The following COL24A1 variants were observed in gnomAD, a reference collection of about 807,000 sequenced individuals.
The protein encoded by COL24A1 is collagen type XXIV alpha 1 chain.
A neutral mutation model predicts 253.9 loss-of-function variants in COL24A1; 224 were observed. That is an observed-to-expected ratio of 0.88 (90% CI 0.79 to 0.99). The LOEUF (loss-of-function observed/expected upper bound fraction) is 0.99. Among genes scored for constraint, COL24A1 ranks in the 50% least tolerant of loss-of-function variants. The pLI is 0.00. For synonymous variants in COL24A1, 685 were observed against 673.7 expected, an observed-to-expected ratio of 1.02 and a Z score of -0.26; for missense variants, 2,131 against 2,068.5, an observed-to-expected ratio of 1.03 and a Z score of -0.59.
intron 31 of COL24A1, among the ~76,000 whole-genome samples, chr1:85,890,214 C>G (rs973899585): frequency 6.6e-6 from 1 of 152,080 alleles, no homozygotes; most frequent in Non-Finnish European, 1.5e-5. Flanking sequence ...CATGGGTATG[C>G]GAGTATCTGT....
intron 24 of COL24A1, among the ~76,000 whole-genome samples, chr1:85,953,856 A>C (rs1337956766): frequency 6.6e-6 from 1 of 152,190 alleles, no homozygotes; most frequent in East Asian, 1.9e-4. Flanking sequence ...ATCCTTAAAA[A>C]TCAGAGGTTA....
At chr1:85,775,809 T>C in intron 52 of COL24A1, 100 bp from the exon 53 acceptor site, 1 of 1,048,256 alleles carries the variant, frequency 9.5e-7, no homozygotes, top group Non-Finnish European at 1.4e-6. Context: ...TTTATATTTT[T>C]GCTTTTTCTA....
chr1:86,036,014 T>C (rs1255423872), intron 12 of COL24A1, among the ~76,000 whole-genome samples: 3 of 152,126 alleles, frequency 2.0e-5, no homozygotes, highest in Admixed American at 1.3e-4. Flanking sequence ...AGCAGAAAAA[T>C]AATGCAATAT....
intron 53 of COL24A1, among the ~76,000 whole-genome samples, chr1:85,763,910 A>G (rs868673396): frequency 6.6e-6 from 1 of 152,184 alleles, no homozygotes; most frequent in African/African-American, 2.4e-5. Context: ...TTTATCCCAG[A>G]ATTTACATAC....
At chr1:85,865,806 T>C (rs1012854910) in intron 37 of COL24A1, among the ~76,000 whole-genome samples, 1 of 152,164 alleles carries the variant, frequency 6.6e-6, no homozygotes, top group Admixed American at 6.5e-5. Context: ...AATCACACTT[T>C]CTTGGCATTT....
chr1:86,007,163 C>T (rs983923801), intron 19 of COL24A1, among the ~76,000 whole-genome samples: 6 of 152,172 alleles, frequency 3.9e-5, no homozygotes, highest in African/African-American at 1.2e-4. Flanking sequence ...GACAGTGAGC[C>T]ATGGTCACTC....
At chr1:86,106,832 CAT>C (rs1437269351) in intron 5 of COL24A1, among the ~76,000 whole-genome samples, 2 of 152,150 alleles carry the variant, frequency 1.3e-5, no homozygotes, top group Non-Finnish European at 2.9e-5. Context: ...TAATGATCCC[CAT>C]AGTCTTTCTC....
At chr1:85,961,154 C>T (rs74969241) in intron 24 of COL24A1, 95 bp downstream of exon 24, 15,879 of 900,834 alleles carry the variant, frequency 0.018, 189 homozygotes, top group Non-Finnish European at 0.022. Flanking sequence ...ATTCTGATTC[C>T]GAGTAACTTG....
At chr1:85,804,980 A>G (rs1038672170) in intron 47 of COL24A1, among the ~76,000 whole-genome samples, 1 of 151,944 alleles carries the variant, frequency 6.6e-6, no homozygotes, top group Non-Finnish European at 1.5e-5. Context: ...TTGAGTAGCT[A>G]TAGGCACATG....
intron 43 of COL24A1, among the ~76,000 whole-genome samples, chr1:85,824,639 T>C (rs528936308): frequency 1.3e-5 from 2 of 152,250 alleles, no homozygotes; most frequent in East Asian, 1.9e-4. Context: ...GTCACCTTAG[T>C]TCTCCTAAGA....
rs1387801760 is a variant in COL24A1 at position 85,945,017 on chromosome 1, T to TG, written c.2562+16231_2562+16232insC. ...CTATCATTGTGTTTTTTTTTTTTTT[T>TG]TTTTTTTTTTTTTTTTTTGAGACAG... On this transcript the variant is annotated intron_variant, in intron 24 of 59. Coordinates refer to ENST00000370571, the MANE Select transcript of COL24A1 (RefSeq NM_152890.7). 6.5e-3 allele frequency among the ~76,000 whole-genome samples: 599 copies of TG among 92,718 alleles called. 8 individuals carry two copies. The highest frequency in any genetic ancestry group is 0.01 in the Non-Finnish European group (467 of 46,324). 60.8% of individuals were successfully genotyped at this position (92,718 alleles called of 152,430 possible). A position where few individuals can be genotyped will look rare whatever the true frequency, so the allele number is the denominator to read the frequency against.
chr1:85,973,941 T>TC (rs1277129721), intron 20 of COL24A1, among the ~76,000 whole-genome samples: 1 of 152,188 alleles, frequency 6.6e-6, no homozygotes, highest in East Asian at 1.9e-4. Flanking sequence ...CTGATGTAAT[T>TC]ACATTATTAT....
At chr1:85,964,854 T>A (rs1219389103) in intron 23 of COL24A1, among the ~76,000 whole-genome samples, 155 bp downstream of exon 23, 2 of 152,174 alleles carry the variant, frequency 1.3e-5, no homozygotes, top group Non-Finnish European at 2.9e-5. Context: ...GATACAGATA[T>A]AAAGATATAG....
chr1:85,907,675 T>A (rs1684971152), intron 27 of COL24A1, among the ~76,000 whole-genome samples: 1 of 151,836 alleles, frequency 6.6e-6, no homozygotes, highest in Non-Finnish European at 1.5e-5. Flanking sequence ...TAAAAATAGT[T>A]TTTTTGTTAT....
chr1:85,925,721 T>G (rs1336769694), intron 24 of COL24A1, among the ~76,000 whole-genome samples: 3 of 152,126 alleles, frequency 2.0e-5, no homozygotes, highest in Non-Finnish European at 4.4e-5. Context: ...ATAAAAACCC[T>G]AGAAGAAAAC....
At chr1:85,786,496 A>C (rs372824344) in intron 47 of COL24A1, 35 bp from the exon 48 acceptor site, 23 of 1,588,630 alleles carry the variant, frequency 1.4e-5, no homozygotes, top group Non-Finnish European at 1.8e-5. Context: ...AAACTGGGAA[A>C]GTTTCTAAAA....
At chr1:86,067,532 G>A (rs75423695) in intron 7 of COL24A1, among the ~76,000 whole-genome samples, 1 of 152,244 alleles carries the variant, frequency 6.6e-6, no homozygotes, top group Non-Finnish European at 1.5e-5. Flanking sequence ...AGACTTGGAT[G>A]AATTTAAGAA....
intron 14 of COL24A1, 132 bp downstream of exon 14, chr1:86,031,745 CA>C (rs1420608699): frequency 3.4e-6 from 2 of 582,824 alleles, no homozygotes; most frequent in African/African-American, 3.9e-5. Context: ...GAAAAAAATA[CA>C]TTTAATCAAG....
In COL24A1 at chr1:86,156,660, C is replaced by G. The variant is rs1192817960; in HGVS notation, c.-264G>C. 6 of 326,934 alleles carry G rather than the reference C, an allele frequency of 1.8e-5. No individual in the cohort carries two copies. The highest frequency in any genetic ancestry group is 5.0e-5 in the Admixed American group (1 of 19,918). The allele number at this position is 326,934 out of a possible 1,614,324, so 20.3% of individuals were successfully genotyped here. A position where few individuals can be genotyped will look rare whatever the true frequency, so the allele number is the denominator to read the frequency against. ...GGTTGCGCTCCCCGGGGAGGGCGGG[C>G]GAGGAGGTAAACCTCACTGGGAGGC... On this transcript the variant is annotated 5_prime_UTR_variant, in exon 1 of 60. Transcript: ENST00000370571.
Sources: gnomAD v4.1 joint callset for allele counts (sites outside exome capture counted in the v4.1 genomes callset) on GRCh38, gnomAD v4.1.1 for gene constraint, MANE v1.5 for transcripts, NCBI Gene and HGNC (gene_info 2026-07-23, HGNC 2026-07-21) for gene names.